Variants in SRGAP3 observed in about 807,000 individuals in gnomAD.
SRGAP3 encodes the protein SLIT-ROBO Rho GTPase activating protein 3, also known as SLIT-ROBO Rho GTPase-activating protein 3.
A neutral mutation model predicts 121.1 loss-of-function variants in SRGAP3; 39 were observed. That is an observed-to-expected ratio of 0.32 (90% CI 0.25 to 0.42). The LOEUF is 0.42. SRGAP3 is among the 10% of genes least tolerant of loss of function. SRGAP3 has a pLI of 1.00. For missense variants in SRGAP3, 1,213 were observed against 1,470.6 expected, an observed-to-expected ratio of 0.82 and a Z score of 2.86; for synonymous variants, 601 against 570.0, an observed-to-expected ratio of 1.05 and a Z score of -0.77.
upstream of SRGAP3, among the ~76,000 whole-genome samples, chr3:9,252,618 C>T (rs1356237789): frequency 6.6e-6 from 1 of 152,136 alleles, no homozygotes; most frequent in Non-Finnish European, 1.5e-5. Flanking sequence ...ACAATAAACC[C>T]ACATCATCTG....
intron 3 of SRGAP3, among the ~76,000 whole-genome samples, chr3:9,098,913 G>A (rs772995356): frequency 3.3e-5 from 5 of 152,148 alleles, no homozygotes; most frequent in Non-Finnish European, 5.9e-5. Context: ...ATCTCCCTGG[G>A]AGACGGTGGA....
intron 1 of SRGAP3, among the ~76,000 whole-genome samples, chr3:9,191,227 G>GC (rs1359406887): frequency 2.0e-5 from 3 of 152,134 alleles, no homozygotes; most frequent in African/African-American, 7.2e-5. Context: ...AGGCACTATG[G>GC]TCTCCCGGAT....
At chr3:9,359,989 G>A (rs1386990674) in intron 1 of SRGAP3, among the ~76,000 whole-genome samples, 1 of 152,178 alleles carries the variant, frequency 6.6e-6, no homozygotes, top group Non-Finnish European at 1.5e-5. Context: ...GAGTACAGTG[G>A]TGCAATCATA....
intron 1 of SRGAP3, among the ~76,000 whole-genome samples, chr3:9,173,999 G>A (rs909923567): frequency 6.6e-6 from 1 of 150,578 alleles, no homozygotes; most frequent in Non-Finnish European, 1.5e-5. Flanking sequence ...TCGACGGATG[G>A]ATGGGTCAAC....
intron 4 of SRGAP3, 118 bp from the exon 5 acceptor site, chr3:9,064,699 A>G: frequency 6.8e-6 from 8 of 1,181,126 alleles, no homozygotes; most frequent in Non-Finnish European, 9.6e-6. Flanking sequence ...CTGGTCCCAA[A>G]ACACACTCTG....
At chr3:9,175,126 T>C (rs1951131533) in intron 1 of SRGAP3, among the ~76,000 whole-genome samples, 1 of 152,166 alleles carries the variant, frequency 6.6e-6, no homozygotes, top group South Asian at 2.1e-4. Context: ...GGTTTGTTTG[T>C]CAGCCAGATG....
intron 6 of SRGAP3, chr3:9,058,703 T>C: frequency 3.9e-6 from 2 of 508,766 alleles, no homozygotes; most frequent in Non-Finnish European, 7.0e-6. Flanking sequence ...ATTCACCATC[T>C]TTCTCTCTCT....
chr3:9,328,582 C>G (rs1434071332), intron 2 of SRGAP3, among the ~76,000 whole-genome samples: 1 of 152,152 alleles, frequency 6.6e-6, no homozygotes, highest in East Asian at 1.9e-4. Context: ...TGAACTTTAC[C>G]AAAGGTAACC....
rs191440449 is a variant in SRGAP3 at position 9,296,853 on chromosome 3, A to G, written n.442+29157T>C. ...CCCCTATTATGGAACCATATCCATCAGGATATGCCACCTCTACCACCTTTA... is the reference window on the plus strand; with the variant it reads ...CCCCTATTATGGAACCATATCCATCGGGATATGCCACCTCTACCACCTTTA... On this transcript the variant is annotated intron_variant and non_coding_transcript_variant, in intron 3 of 3. Transcript: ENST00000490889. Among the ~76,000 whole-genome samples the G allele has an allele frequency of 2.0e-5, 3 of 152,332 alleles. No individual in the cohort carries two copies. In the East Asian group the frequency reaches 5.8e-4, roughly 29 times the overall value.
At chr3:9,125,319 G>A (rs1949181971) in intron 1 of SRGAP3, among the ~76,000 whole-genome samples, 2 of 152,172 alleles carry the variant, frequency 1.3e-5, no homozygotes, top group South Asian at 4.1e-4. Flanking sequence ...CTTGCAGCCT[G>A]GGACGTAGGA....
At chr3:9,348,364 G>C in intron 1 of SRGAP3, 2 of 476,018 alleles carry the variant, frequency 4.2e-6, no homozygotes, top group South Asian at 4.2e-5. Context: ...AAGACTAAAA[G>C]TAATCAAACA....
intron 1 of SRGAP3, among the ~76,000 whole-genome samples, chr3:9,155,566 A>G (rs935830781): frequency 4.6e-5 from 7 of 152,088 alleles, no homozygotes; most frequent in African/African-American, 1.7e-4. Flanking sequence ...TCTCTTAACT[A>G]ATCTTTCATA....
chr3:9,147,374 C>T (rs1020963277), intron 1 of SRGAP3, among the ~76,000 whole-genome samples: 13 of 152,056 alleles, frequency 8.5e-5, no homozygotes, highest in East Asian at 3.9e-4. Flanking sequence ...CCCATCTGTG[C>T]GAGGCAGTTT....
chr3:8,995,603 G>A (rs1478680668), intron 18 of SRGAP3, among the ~76,000 whole-genome samples: 4 of 152,152 alleles, frequency 2.6e-5, no homozygotes, highest in African/African-American at 4.8e-5. Context: ...TATGGGATGC[G>A]TCCAGAGAAG....
intron 18 of SRGAP3, among the ~76,000 whole-genome samples, chr3:9,003,292 A>C (rs186888262): frequency 6.6e-6 from 1 of 152,130 alleles, no homozygotes; most frequent in Non-Finnish European, 1.5e-5. Context: ...TCAGCCTGCA[A>C]TATGGCAAAA....
chr3:9,209,246 G>A (rs762319528), intron 1 of SRGAP3, among the ~76,000 whole-genome samples: 24 of 152,158 alleles, frequency 1.6e-4, no homozygotes, highest in Non-Finnish European at 1.8e-4. Flanking sequence ...CAGCACAACA[G>A]CCATGAACAC....
chr3:9,349,863 G>A (rs1302042310), intron 1 of SRGAP3: 1 of 152,160 alleles, frequency 6.6e-6, no homozygotes. Context: ...AGGGTTAGAA[G>A]TACTTCCTGC....
chr3:9,313,810 T>C (rs567369573), intron 3 of SRGAP3, among the ~76,000 whole-genome samples: 2 of 151,328 alleles, frequency 1.3e-5, no homozygotes, highest in African/African-American at 2.4e-5. Flanking sequence ...GCCTGGCCAA[T>C]AGGGCGAAAC....
At chr3:9,324,784 C>T (rs938901310) in intron 3 of SRGAP3, among the ~76,000 whole-genome samples, 1 of 151,688 alleles carries the variant, frequency 6.6e-6, no homozygotes, top group Non-Finnish European at 1.5e-5. Flanking sequence ...GGTGAAACTC[C>T]GTGTCTACTA....
Sources: gnomAD v4.1 joint callset for allele counts (sites outside exome capture counted in the v4.1 genomes callset) on GRCh38, gnomAD v4.1.1 for gene constraint, MANE v1.5 for transcripts, NCBI Gene and HGNC (gene_info 2026-07-23, HGNC 2026-07-21) for gene names.